The following GALNT16 variants were observed in gnomAD, a reference collection of about 807,000 sequenced individuals.
The protein encoded by GALNT16 is UDP-GalNAc:polypeptide N-acetylgalactosaminyltransferase-like protein 1.
A neutral mutation model predicts 76.1 loss-of-function variants in GALNT16; 40 were observed. The ratio of observed to expected loss-of-function variants is 0.53; its 90% CI spans 0.41 to 0.68. The LOEUF is 0.68. Ranked by LOEUF, GALNT16 falls within the 30% of genes least tolerant of loss-of-function variation. The pLI is 0.00. For missense variants in GALNT16, 621 were observed against 731.9 expected (o/e 0.85, Z 1.75); for synonymous variants, 276 against 285.2 (o/e 0.97, Z 0.32).
chr14:69,337,616 G>A (rs563280091), intron 9 of GALNT16, among the ~76,000 whole-genome samples: 3 of 152,188 alleles, frequency 2.0e-5, no homozygotes, highest in South Asian at 2.1e-4. Context: ...GAGAAGGGAC[G>A]GATGCCTGGC....
At chr14:69,267,091 C>G (rs146304313) in intron 1 of GALNT16, among the ~76,000 whole-genome samples, 1 of 152,238 alleles carries the variant, frequency 6.6e-6, no homozygotes, top group African/African-American at 2.4e-5. Context: ...GTTACCTGTC[C>G]TGTCTCCCAG....
chr14:69,363,901 C>A, the GALNT16 span, among the ~76,000 whole-genome samples: 1 of 152,208 alleles, frequency 6.6e-6, no homozygotes, highest in South Asian at 2.1e-4. Flanking sequence ...ATGCCAGGAG[C>A]TTCCTTGAGA....
intron 1 of GALNT16, among the ~76,000 whole-genome samples, chr14:69,293,294 C>G (rs1445592393): frequency 6.6e-6 from 1 of 152,194 alleles, no homozygotes; most frequent in Non-Finnish European, 1.5e-5. Flanking sequence ...TGCTGCACCC[C>G]TTAATGTCTA....
chr14:69,271,092 G>T (rs2044401851), intron 1 of GALNT16, among the ~76,000 whole-genome samples: 1 of 152,110 alleles, frequency 6.6e-6, no homozygotes, highest in South Asian at 2.1e-4. Flanking sequence ...GTGGTGCCTT[G>T]CGGGGGCATG....
At chr14:69,301,133 G>T (rs547559967) in intron 1 of GALNT16, among the ~76,000 whole-genome samples, 1 of 152,152 alleles carries the variant, frequency 6.6e-6, no homozygotes, top group Non-Finnish European at 1.5e-5. Context: ...GCTTGGGATT[G>T]CACCAGGGAT....
At chr14:69,312,007 C>T (rs945455679) in intron 1 of GALNT16, among the ~76,000 whole-genome samples, 11 of 151,116 alleles carry the variant, frequency 7.3e-5, no homozygotes, top group African/African-American at 1.2e-4. Flanking sequence ...ATTTGAGACC[C>T]GCCTAGCGTA....
intron 6 of GALNT16, 31 bp from the exon 7 acceptor site, chr14:69,331,433 G>GGCTTCT: frequency 1.6e-6 from 2 of 1,264,728 alleles, no homozygotes; most frequent in Non-Finnish European, 2.3e-6. Flanking sequence ...AGAAGTCCCA[G>GGCTTCT]GCCTCACACC....
chr14:69,369,931 T>G, the GALNT16 span, among the ~76,000 whole-genome samples: 1 of 152,304 alleles, frequency 6.6e-6, no homozygotes, highest in East Asian at 1.9e-4. Flanking sequence ...TCTTCTCCTT[T>G]GGGGATGCCC....
intron 1 of GALNT16, among the ~76,000 whole-genome samples, chr14:69,289,986 G>A (rs777347125): frequency 6.6e-5 from 10 of 151,926 alleles, no homozygotes; most frequent in Non-Finnish European, 1.2e-4. Flanking sequence ...CAATCCGCTC[G>A]CCTCGGCCTC....
the GALNT16 span, among the ~76,000 whole-genome samples, chr14:69,370,259 G>A: frequency 4.9e-4 from 74 of 152,286 alleles, no homozygotes; most frequent in Non-Finnish European, 2.2e-4. Context: ...TGCAAGCTCC[G>A]CCTGCCAAGC....
At chr14:69,260,873 G>C (rs117878956) in intron 1 of GALNT16, among the ~76,000 whole-genome samples, 6,121 of 152,000 alleles carry the variant, frequency 0.04, 178 homozygotes, top group Non-Finnish European at 0.063. Flanking sequence ...AGCCGAGCGC[G>C]TAGGTGGCAG....
At chr14:69,320,462 T>A (rs2045161164) in intron 1 of GALNT16, among the ~76,000 whole-genome samples, 1 of 149,774 alleles carries the variant, frequency 6.7e-6, no homozygotes, top group African/African-American at 2.5e-5. Context: ...CACTCCAGCC[T>A]GGGTGACAGA....
At chr14:69,265,962 G>C (rs750529288) in intron 1 of GALNT16, among the ~76,000 whole-genome samples, 14 of 152,146 alleles carry the variant, frequency 9.2e-5, no homozygotes, top group South Asian at 4.1e-4. Flanking sequence ...TGTTTTACAG[G>C]CTTACCTCTC....
At chr14:69,355,466 C>G (rs57941356), downstream of GALNT16, 27,964 of 152,310 alleles carry the variant, frequency 0.18, 2,702 homozygotes, top group South Asian at 0.26. Flanking sequence ...TTTCCACTCT[C>G]CATCTATTTT....
At chr14:69,325,547 C>A (rs896606884) in intron 4 of GALNT16, 143 bp downstream of exon 4, 1 of 672,554 alleles carries the variant, frequency 1.5e-6, no homozygotes, top group Non-Finnish European at 2.7e-6. Flanking sequence ...TTTTCTAGGA[C>A]CCCTCCCTGG....
intron 1 of GALNT16, among the ~76,000 whole-genome samples, chr14:69,312,501 G>A (rs978314317): frequency 1.3e-5 from 2 of 152,082 alleles, no homozygotes; most frequent in African/African-American, 4.8e-5. Flanking sequence ...AGCAGGACCA[G>A]GTTGTTTGAG....
At chr14:69,339,015 C>G (rs886088645) in intron 10 of GALNT16, among the ~76,000 whole-genome samples, 8 of 151,970 alleles carry the variant, frequency 5.3e-5, no homozygotes, top group Admixed American at 4.6e-4. Context: ...CCATATGAGT[C>G]TCGGAAAATT....
At chr14:69,360,873 G>A (rs373429535), downstream of GALNT16, among the ~76,000 whole-genome samples, 5 of 152,196 alleles carry the variant, frequency 3.3e-5, no homozygotes, top group East Asian at 1.9e-4. Context: ...ACGGGGCCAC[G>A]TGTCACCACG....
At position 69,353,950 on chromosome 14, in the gene GALNT16, CCTGA is replaced by C. The variant is rs1365343799; in HGVS notation, c.*1785_*1788del. 6.6e-6 allele frequency: 1 copy of C among 152,556 alleles called. No homozygotes were observed. The highest frequency in any genetic ancestry group is 2.4e-5 in the African/African-American group (1 of 41,474). The allele number at this position is 152,556 out of a possible 1,614,324, so 9.5% of individuals were successfully genotyped here. On this transcript the variant is annotated 3_prime_UTR_variant, in exon 15 of 15. Transcript: ENST00000448469. ...GGAGGGCTCTCCAGCAGTTTCGCCT[CCTGA>C]CTCTCACCAGCGTCCTCTCGGCAGC... is the stretch of plus-strand genomic sequence containing the variant.
Sources: allele counts gnomAD v4.1 joint callset (sites outside exome capture counted in the v4.1 genomes callset), GRCh38; gene constraint gnomAD v4.1.1; transcripts MANE v1.5; gene names NCBI Gene and HGNC (gene_info 2026-07-23, HGNC 2026-07-21).